The following VSTM2B variants were observed in gnomAD, a reference collection of about 807,000 sequenced individuals.
The protein encoded by VSTM2B is V-set and transmembrane domain containing 2B, also known as V-set and transmembrane domain-containing protein 2B.
VSTM2B carries 24 observed loss-of-function variants against 24.0 expected under a neutral mutation model. The ratio of observed to expected loss-of-function variants is 1.00; its 90% CI spans 0.72 to 1.40. The LOEUF is 1.40. Ranked by LOEUF, VSTM2B falls within the 40% of genes most tolerant of loss-of-function variation. The pLI, the probability that VSTM2B is intolerant of heterozygous loss-of-function variation, is 0.00. For synonymous variants in VSTM2B, 226 were observed against 194.4 expected (o/e 1.16, Z -1.35); for missense variants, 399 against 416.4 (o/e 0.96, Z 0.36).
chr19:29,561,920 A>G (rs912011184), intron 4 of VSTM2B, among the ~76,000 whole-genome samples: 1 of 152,238 alleles, frequency 6.6e-6, no homozygotes, highest in Admixed American at 6.5e-5. Flanking sequence ...CCAGAGGCAG[A>G]GCACCAGCCT....
chr19:29,531,089 TG>T (rs1969747399), intron 4 of VSTM2B, among the ~76,000 whole-genome samples: 1 of 52,860 alleles, frequency 1.9e-5, no homozygotes, highest in African/African-American at 7.6e-5. Context: ...TAGGAGCCAT[TG>T]GCAGAGGCAG....
At chr19:29,530,591 G>C (rs529209201) in intron 4 of VSTM2B, among the ~76,000 whole-genome samples, 2 of 152,114 alleles carry the variant, frequency 1.3e-5, no homozygotes, top group Non-Finnish European at 2.9e-5. Context: ...CCTCTTTTGG[G>C]TTTGGAGAAC....
At chr19:29,539,644 C>T (rs186118193) in intron 4 of VSTM2B, among the ~76,000 whole-genome samples, 20 of 152,322 alleles carry the variant, frequency 1.3e-4, no homozygotes, top group South Asian at 6.2e-4. Flanking sequence ...CTTCCACTTG[C>T]GTTCCTGCAT....
chr19:29,549,954 A>G (rs1970240318), intron 4 of VSTM2B, among the ~76,000 whole-genome samples: 3 of 152,262 alleles, frequency 2.0e-5, no homozygotes, highest in Admixed American at 2.0e-4. Flanking sequence ...CCATGGCTAA[A>G]TGGATGTTCA....
At chr19:29,535,966 T>A (rs1568439811) in intron 4 of VSTM2B, among the ~76,000 whole-genome samples, 1 of 152,174 alleles carries the variant, frequency 6.6e-6, no homozygotes, top group Non-Finnish European at 1.5e-5. Context: ...TGGCAAGGGA[T>A]GTCCCAGAGA....
At chr19:29,549,906 C>G (rs1970239478) in intron 4 of VSTM2B, among the ~76,000 whole-genome samples, 2 of 152,048 alleles carry the variant, frequency 1.3e-5, no homozygotes, top group Admixed American at 1.3e-4. Context: ...TTGGGAAGAG[C>G]AGGTCTGCTC....
At position 29,528,284 on chromosome 19, in the gene VSTM2B, G is replaced by T. The variant is rs377593010; in HGVS notation, c.268-149G>T. The T allele has an allele frequency of 8.0e-5, 75 of 939,290 alleles. No individual in the cohort carries two copies. The East Asian group carries it at 1.3e-3, about 16-fold the overall frequency. The allele number at this position is 939,290 out of a possible 1,614,324, so 58.2% of individuals were successfully genotyped here. A position where few individuals can be genotyped will look rare whatever the true frequency, so the allele number is the denominator to read the frequency against. The stretch of plus-strand genomic sequence containing the variant: ...CCTCCTGGGAAACTCTTGGAAAGCC[G>T]GACGTCCTTTGTGCCCTCAACCCCC... On this transcript the variant is annotated intron_variant, in intron 2 of 4. Transcript: ENST00000335523.
At chr19:29,553,322 T>C (rs1970328839) in intron 4 of VSTM2B, among the ~76,000 whole-genome samples, 1 of 152,202 alleles carries the variant, frequency 6.6e-6, no homozygotes, top group East Asian at 1.9e-4. Flanking sequence ...GAATAGGGTC[T>C]GGAGTGGACC....
intron 4 of VSTM2B, among the ~76,000 whole-genome samples, chr19:29,555,514 A>T (rs1285466428): frequency 2.0e-5 from 3 of 152,180 alleles, no homozygotes; most frequent in South Asian, 4.1e-4. Flanking sequence ...CCAAGAGAAA[A>T]CAAACTCCAA....
At chr19:29,560,987 C>G (rs546593274) in intron 4 of VSTM2B, among the ~76,000 whole-genome samples, 1 of 152,274 alleles carries the variant, frequency 6.6e-6, no homozygotes. Context: ...CCTGCACCTG[C>G]CTTCATGTCA....
intron 4 of VSTM2B, among the ~76,000 whole-genome samples, chr19:29,538,429 A>G (rs956344005): frequency 6.6e-6 from 1 of 152,122 alleles, no homozygotes; most frequent in Non-Finnish European, 1.5e-5. Context: ...AATGGTGTTA[A>G]CCATCCAGGA....
rs536481826 is a variant in VSTM2B at position 29,563,931 on chromosome 19, T to C, written c.855T>C (p.His285=). 3.0e-4 allele frequency: 472 copies of C among 1,552,304 alleles called. 2 individuals carry two copies. The highest frequency in any genetic ancestry group is 1.7e-3 in the South Asian group (147 of 84,068). Residue 285 remains histidine, a synonymous_variant, in exon 5 of 5, where the codon CAT becomes CAC. Coordinates refer to ENST00000335523, the MANE Select transcript of VSTM2B (RefSeq NM_001146339.2). The part of the protein sequence containing the change: ...LHKFLRLLLG[H] ...AGTTCCTGCGCCTGCTCTTGGGACA[T>C]TGACAGACAAGACCAACCCGAGCAT...
At chr19:29,552,980 C>T (rs1171135643) in intron 4 of VSTM2B, among the ~76,000 whole-genome samples, 1 of 152,168 alleles carries the variant, frequency 6.6e-6, no homozygotes, top group Non-Finnish European at 1.5e-5. Flanking sequence ...GACTGAGCCC[C>T]TCAGGGGAGG....
intron 3 of VSTM2B, chr19:29,529,243 C>A: frequency 1.8e-6 from 1 of 554,796 alleles, no homozygotes; most frequent in Non-Finnish European, 2.3e-6. Flanking sequence ...GGGAGCCAGG[C>A]AGCAGCCTCA....
chr19:29,559,811 CA>C (rs1970488322), intron 4 of VSTM2B, among the ~76,000 whole-genome samples: 1 of 152,138 alleles, frequency 6.6e-6, no homozygotes, highest in African/African-American at 2.4e-5. Context: ...CTGTTGTTTA[CA>C]TGTTTGTATT....
chr19:29,550,659 T>C (rs1970258443), intron 4 of VSTM2B, among the ~76,000 whole-genome samples: 1 of 152,084 alleles, frequency 6.6e-6, no homozygotes, highest in African/African-American at 2.4e-5. Context: ...GTGTGAATAT[T>C]CTATGCAATA....
At chr19:29,528,546 G>A in intron 3 of VSTM2B, 84 bp downstream of exon 3, 1 of 1,520,970 alleles carries the variant, frequency 6.6e-7, no homozygotes, top group Non-Finnish European at 8.9e-7. Context: ...GCAAGCCGCG[G>A]CGGCCGCGCA....
Position 29,526,558 on chromosome 19 carries a change from C to A in VSTM2B, c.-26C>A. The A allele has an allele frequency of 1.3e-6, 2 of 1,498,030 alleles. No individual in the cohort carries two copies. Among genetic ancestry groups the A allele is most frequent in the Non-Finnish European group, 8.9e-7 (1 of 1,128,018 alleles). The allele number at this position is 1,498,030 out of a possible 1,614,324, so 92.8% of individuals were successfully genotyped here. On this transcript the variant is annotated 5_prime_UTR_variant, in exon 1 of 5. Coordinates refer to ENST00000335523, the MANE Select transcript of VSTM2B (RefSeq NM_001146339.2). The surrounding 1 kb of genome is among the most constrained non-coding windows in gnomAD (Gnocchi z 4.1). ...CGCCGCCTCTCCGCTCCCGGGCCCCCGCCGCCACCGCGCCCCCCGCGGGAG... is the reference window on the plus strand; with the variant it reads ...CGCCGCCTCTCCGCTCCCGGGCCCCAGCCGCCACCGCGCCCCCCGCGGGAG...
intron 4 of VSTM2B, among the ~76,000 whole-genome samples, chr19:29,542,559 G>A (rs1463891821): frequency 1.3e-5 from 2 of 151,608 alleles, no homozygotes; most frequent in African/African-American, 4.8e-5. Context: ...TGAGTGGATG[G>A]ATAGATGGGT....
Sources: gnomAD v4.1 joint callset for allele counts (sites outside exome capture counted in the v4.1 genomes callset) on GRCh38, gnomAD v4.1.1 for gene constraint, Gnocchi (gnomAD v3.1) non-coding constraint, MANE v1.5 for transcripts, NCBI Gene and HGNC (gene_info 2026-07-23, HGNC 2026-07-21) for gene names.